RGS7BP: variants seen among roughly 807,000 people sequenced by gnomAD.
The protein encoded by RGS7BP is regulator of G protein signaling 7-binding protein.
RGS7BP carries 9 observed loss-of-function variants against 31.3 expected under a neutral mutation model. The ratio of observed to expected loss-of-function variants is 0.29; its 90% CI spans 0.17 to 0.50. The LOEUF (loss-of-function observed/expected upper bound fraction) is 0.50. Ranked by LOEUF, RGS7BP falls within the 20% of genes least tolerant of loss-of-function variation. The probability of loss-of-function intolerance (pLI) is 0.98; values close to 1 mark genes in which losing one functional copy is unlikely to be tolerated. For synonymous variants in RGS7BP, 115 were observed against 120.1 expected (o/e 0.96, Z 0.28); for missense variants, 274 against 322.0 (o/e 0.85, Z 1.14).
chr5:64,584,511 C>T (rs1016990839), intron 3 of RGS7BP, among the ~76,000 whole-genome samples: 10 of 152,196 alleles, frequency 6.6e-5, no homozygotes, highest in African/African-American at 2.4e-4. Context: ...CACTGTGCTG[C>T]TCTATGTTAG....
chr5:64,607,931 G>T (rs1005206586), intron 5 of RGS7BP, among the ~76,000 whole-genome samples: 1 of 152,010 alleles, frequency 6.6e-6, no homozygotes, highest in African/African-American at 2.4e-5. Context: ...GGAAAAACAA[G>T]CCCTCTTCTA....
At chr5:64,594,929 C>T (rs551062479) in intron 4 of RGS7BP, 72 bp downstream of exon 4, 22 of 1,489,658 alleles carry the variant, frequency 1.5e-5, no homozygotes, top group South Asian at 4.7e-5. Flanking sequence ...CACAGAGAGA[C>T]GAGGTTTTCT....
intron 5 of RGS7BP, among the ~76,000 whole-genome samples, chr5:64,602,703 A>T (rs949183514): frequency 2.6e-5 from 4 of 152,176 alleles, no homozygotes; most frequent in African/African-American, 9.7e-5. Context: ...GAAAACAACT[A>T]TTACATATGC....
intron 2 of RGS7BP, among the ~76,000 whole-genome samples, chr5:64,518,595 G>C (rs1275853585): frequency 2.0e-5 from 3 of 152,140 alleles, no homozygotes; most frequent in African/African-American, 4.8e-5. Flanking sequence ...TCAGAGAAAA[G>C]CATTTGAGGC....
At chr5:64,591,317 C>A (rs765010244) in intron 3 of RGS7BP, among the ~76,000 whole-genome samples, 1 of 151,754 alleles carries the variant, frequency 6.6e-6, no homozygotes. Flanking sequence ...TGCACCTATA[C>A]CCCTGAACTT....
At position 64,507,797 on chromosome 5, in the gene RGS7BP, C is replaced by T. The variant is rs752632381; in HGVS notation, c.252C>T (p.Leu84=). ...IGDVSVSCPS[L]RAEMHKTRTK... ...ATGTCTCGGTCAGCTGCCCCTCACT[C>T]CGGGCGGAAATGCACAAGACAAGAA... is the stretch of plus-strand genomic sequence containing the variant. The change falls in exon 2 of 6, where the codon CTC becomes CTT. Residue 84 remains leucine, a synonymous_variant. Transcript: ENST00000334025. 1 of 1,613,992 alleles carries T rather than the reference C, an allele frequency of 6.2e-7. No homozygotes were observed. The highest frequency in any genetic ancestry group is 1.1e-5 in the South Asian group (1 of 91,068).
chr5:64,531,776 A>G (rs1352851206), intron 2 of RGS7BP, among the ~76,000 whole-genome samples: 3 of 152,362 alleles, frequency 2.0e-5, no homozygotes, highest in African/African-American at 7.2e-5. Flanking sequence ...CATGATTTTG[A>G]GCGTATGTTG....
intron 2 of RGS7BP, among the ~76,000 whole-genome samples, chr5:64,550,424 C>A (rs1341259269): frequency 6.6e-6 from 1 of 152,088 alleles, no homozygotes; most frequent in Non-Finnish European, 1.5e-5. Context: ...CAGACTAGGG[C>A]CCCACCCTTA....
intron 2 of RGS7BP, among the ~76,000 whole-genome samples, chr5:64,562,420 A>G (rs1242807214): frequency 6.6e-6 from 1 of 152,108 alleles, no homozygotes; most frequent in Non-Finnish European, 1.5e-5. Context: ...ATGAAGTGTT[A>G]TTATACTGAT....
In RGS7BP at chr5:64,569,628, A is replaced by G. The variant is rs116426315; in HGVS notation, c.333-6146A>G. 9.8e-3 allele frequency among the ~76,000 whole-genome samples: 1,498 copies of G among 152,222 alleles called. 23 individuals carry two copies. Among genetic ancestry groups the G allele is most frequent in the African/African-American group, 0.031 (1,294 of 41,544 alleles). On this transcript the variant is annotated intron_variant, in intron 2 of 5. Transcript: ENST00000334025. ...CTTCCCTGCCCCCAACTATCCAATGATTACGTAGATGTATGGGACCACCTT... is the reference window on the plus strand; with the variant it reads ...CTTCCCTGCCCCCAACTATCCAATGGTTACGTAGATGTATGGGACCACCTT...
chr5:64,549,734 G>C (rs1314435624), intron 2 of RGS7BP, among the ~76,000 whole-genome samples: 1 of 152,058 alleles, frequency 6.6e-6, no homozygotes, highest in Non-Finnish European at 1.5e-5. Context: ...CCACACCCTT[G>C]GTGTTCTCTT....
At chr5:64,606,063 G>C (rs1408007064) in intron 5 of RGS7BP, among the ~76,000 whole-genome samples, 1 of 147,690 alleles carries the variant, frequency 6.8e-6, no homozygotes, top group East Asian at 2.0e-4. Flanking sequence ...GAGAGAGAAG[G>C]CTGAGCGAGA....
chr5:64,524,719 G>T (rs994160861), intron 2 of RGS7BP, among the ~76,000 whole-genome samples: 2 of 151,942 alleles, frequency 1.3e-5, no homozygotes, highest in Admixed American at 6.6e-5. Context: ...TAGTGCACAT[G>T]AGCCCACCAA....
intron 2 of RGS7BP, among the ~76,000 whole-genome samples, chr5:64,525,955 C>T (rs1283977494): frequency 2.0e-5 from 3 of 152,278 alleles, no homozygotes; most frequent in African/African-American, 7.2e-5. Context: ...GGAGCAAATC[C>T]ACCATAAGGG....
intron 3 of RGS7BP, among the ~76,000 whole-genome samples, chr5:64,583,261 T>C (rs977277645): frequency 2.0e-5 from 3 of 152,002 alleles, no homozygotes; most frequent in African/African-American, 7.3e-5. Context: ...TGGTGGTGGG[T>C]GCCTGTAATC....
intron 2 of RGS7BP, among the ~76,000 whole-genome samples, chr5:64,511,365 A>T (rs989182134): frequency 2.0e-5 from 3 of 152,204 alleles, no homozygotes; most frequent in Non-Finnish European, 2.9e-5. Context: ...GTATCCTCTG[A>T]CTGTCTTGAT....
intron 2 of RGS7BP, among the ~76,000 whole-genome samples, chr5:64,574,868 G>A (rs145419070): frequency 4.6e-5 from 7 of 152,236 alleles, no homozygotes; most frequent in African/African-American, 1.2e-4. Context: ...AATTAATAGC[G>A]ATGGAAGTAA....
At chr5:64,577,248 C>T (rs969410031) in intron 3 of RGS7BP, among the ~76,000 whole-genome samples, 1 of 151,932 alleles carries the variant, frequency 6.6e-6, no homozygotes, top group Non-Finnish European at 1.5e-5. Context: ...ACCATCCTGG[C>T]TAACACGGTG....
intron 2 of RGS7BP, among the ~76,000 whole-genome samples, chr5:64,518,776 G>A (rs559154819): frequency 2.0e-5 from 3 of 152,178 alleles, no homozygotes; most frequent in Middle Eastern, 3.4e-3. Flanking sequence ...GTTCATGATT[G>A]AAGAACATCA....
Sources: allele counts gnomAD v4.1 joint callset (sites outside exome capture counted in the v4.1 genomes callset), GRCh38; gene constraint gnomAD v4.1.1; transcripts MANE v1.5; gene names NCBI Gene and HGNC (gene_info 2026-07-23, HGNC 2026-07-21).